The following NBPF26 variants were observed in gnomAD, a reference collection of about 807,000 sequenced individuals.
NBPF26 encodes the protein NBPF member 26.
NBPF26 carries 79 observed loss-of-function variants against 119.6 expected under a neutral mutation model. That is an observed-to-expected ratio of 0.66 (90% confidence interval 0.55 to 0.80). NBPF26 has a LOEUF of 0.80. Ranked by LOEUF, NBPF26 falls within the 30% of genes least tolerant of loss-of-function variation. The pLI is 0.00. For missense variants in NBPF26, 800 were observed against 1,198.2 expected (o/e 0.67, Z 4.91); for synonymous variants, 299 against 457.7 (o/e 0.65, Z 4.43).
Position 120,822,101 on chromosome 1 carries a change from C to T in NBPF26, c.2424-3C>T. The T allele has an allele frequency of 2.8e-6, 4 of 1,444,790 alleles. No homozygotes were observed. The South Asian group carries it at 3.6e-5, about 13-fold the overall frequency. 89.5% of individuals were successfully genotyped at this position (1,444,790 alleles called of 1,614,324 possible). A position where few individuals can be genotyped will look rare whatever the true frequency, so the allele number is the denominator to read the frequency against. On this transcript the variant is annotated splice_polypyrimidine_tract_variant and splice_region_variant and intron_variant, in intron 15 of 29. Transcript: ENST00000620612. Reference sequence around the variant, plus strand: ...GTCATCCCTGTCCTGCCTGGCTCATCAGGAATCTGCAGGAGTCTGAAGAGG... The same window carrying T: ...GTCATCCCTGTCCTGCCTGGCTCATTAGGAATCTGCAGGAGTCTGAAGAGG...
In NBPF26 at chr1:120,806,537, G is replaced by C. The variant is rs1445133041; in HGVS notation, c.961+772G>C. On this transcript the variant is annotated intron_variant, in intron 5 of 29. Transcript: ENST00000620612. ...GAACCCAGCAGGCAGATGTTGCAGT[G>C]AGCCAAGATTGCACTATTGAACTCC... Among the ~76,000 whole-genome samples the C allele has an allele frequency of 3.2e-5, 4 of 124,402 alleles. 1 individual carries two copies. The highest frequency in any genetic ancestry group is 4.9e-5 in the Non-Finnish European group (3 of 61,118). The allele number at this position is 124,402 out of a possible 152,430, so 81.6% of individuals were successfully genotyped here. A position where few individuals can be genotyped will look rare whatever the true frequency, so the allele number is the denominator to read the frequency against.
At chr1:120,811,970 T>C (rs1651880531) in exon 10 of NBPF26, 1 of 1,235,706 alleles carries the variant, frequency 8.1e-7, no homozygotes, top group Admixed American at 2.0e-5. Context: ...GCGATAAACA[T>C]TCTAGAAATC....
chr1:120,723,977 C>A lies in NBPF26; in HGVS notation c.-201C>A, dbSNP rs1405185759. 2.7e-4 allele frequency: 308 copies of A among 1,147,564 alleles called. 31 individuals are homozygous for A. The East Asian group carries it at 9.4e-3, about 35-fold the overall frequency. 71.1% of individuals were successfully genotyped at this position (1,147,564 alleles called of 1,614,324 possible). On this transcript the variant is annotated 5_prime_UTR_variant, in exon 1 of 30. Coordinates refer to ENST00000620612, the Ensembl canonical transcript of NBPF26. ...CTTCCGGCGGCGGCTGAGGCGGCGG[C>A]CGAGGAGCGGCGGACTCGGGGCGCG... is the stretch of plus-strand genomic sequence containing the variant.
rs1277801187 is a variant in NBPF26 at position 120,813,520 on chromosome 1, G to A, written c.1775-371G>A. On this transcript the variant is annotated intron_variant, in intron 10 of 29. Coordinates refer to ENST00000620612, the Ensembl canonical transcript of NBPF26. ...CATAGTCCTAGGGGCTTTCCCAACTGTACAAGAAATCACTACTTCATGCCC... is the reference window on the plus strand; with the variant it reads ...CATAGTCCTAGGGGCTTTCCCAACTATACAAGAAATCACTACTTCATGCCC... 1.6e-5 allele frequency among the ~76,000 whole-genome samples: 2 copies of A among 127,510 alleles called. 1 individual carries two copies. Among genetic ancestry groups the A allele is most frequent in the Non-Finnish European group, 3.2e-5 (2 of 61,932 alleles). 83.7% of individuals were successfully genotyped at this position (127,510 alleles called of 152,430 possible). A position where few individuals can be genotyped will look rare whatever the true frequency, so the allele number is the denominator to read the frequency against.
At chr1:120,805,596 G>A in exon 5 of NBPF26, 1 of 1,459,768 alleles carries the variant, frequency 6.9e-7, no homozygotes, top group East Asian at 2.3e-5. Flanking sequence ...TCAGCATGGT[G>A]GTATCAGCCG....
At chr1:120,820,443 TAA>T (rs1322042495) in intron 15 of NBPF26, among the ~76,000 whole-genome samples, 2 of 18,520 alleles carry the variant, frequency 1.1e-4, no homozygotes, top group African/African-American at 4.7e-4. Context: ...CTTAAAGTAT[TAA>T]AAATATATAT....
chr1:120,793,430 C>T, exon 4 of NBPF26: 1 of 1,442,594 alleles, frequency 6.9e-7, no homozygotes, highest in Non-Finnish European at 9.3e-7. Flanking sequence ...TGCACACTCG[C>T]CTTGTGTCAA....
intron 2 of NBPF26, among the ~76,000 whole-genome samples, chr1:120,777,820 G>A (rs1165258319): frequency 9.0e-6 from 1 of 110,502 alleles, no homozygotes; most frequent in Non-Finnish European, 1.7e-5. Context: ...AACCTAGTTA[G>A]TTACCTTTAC....
exon 8 of NBPF26, chr1:120,809,845 T>A: frequency 6.7e-7 from 1 of 1,488,056 alleles, no homozygotes; most frequent in Non-Finnish European, 9.1e-7. Context: ...ATGTTCAAGT[T>A]GAGGAGGATG....
Position 120,816,776 on chromosome 1 carries a change from A to T in NBPF26, c.2320A>T (p.Ile774Phe), listed in dbSNP as rs1416578780. 2.8e-6 allele frequency: 4 copies of T among 1,421,412 alleles called. 2 individuals carry two copies. In the African/African-American group the frequency reaches 1.1e-4, roughly 40 times the overall value. The allele number at this position is 1,421,412 out of a possible 1,614,324, so 88.0% of individuals were successfully genotyped here. The change falls in exon 14 of 30, where the codon ATT becomes TTT. Residue 774 changes from isoleucine (I) to phenylalanine (F), a missense_variant. Ile to Phe is a conservative substitution (Grantham distance 21). Around this residue, in one of 13 missense-constraint regions of NBPF26, gnomAD observed 59 missense variants for 112.3 expected, o/e 0.53. Coordinates refer to ENST00000620612, the Ensembl canonical transcript of NBPF26. The stretch of plus-strand genomic sequence containing the variant: ...GGAAGACAAAGTCGACTCAACTCTC[A>T]TTGGCTCATCCTCTCATGTTGAATG...
intron 4 of NBPF26, among the ~76,000 whole-genome samples, chr1:120,801,417 C>T (rs1651579694): frequency 1.8e-5 from 2 of 108,816 alleles, no homozygotes; most frequent in South Asian, 2.8e-4. Flanking sequence ...GAAATATATG[C>T]TTAAAAATGG....
rs1435648093 is a variant in NBPF26, at chr1:120,733,129, A to T, written c.73+8879A>T. On this transcript the variant is annotated intron_variant, in intron 1 of 29. Coordinates refer to ENST00000620612, the Ensembl canonical transcript of NBPF26. ...GATTTATTTTTATATATATATATATATATGTTTAGTTTATGAACAGATCTA... is the reference window on the plus strand; with the variant it reads ...GATTTATTTTTATATATATATATATTTATGTTTAGTTTATGAACAGATCTA... 4.9e-4 allele frequency among the ~76,000 whole-genome samples: 45 copies of T among 92,482 alleles called. 3 individuals carry two copies. The South Asian group carries it at 1.0e-2, about 20-fold the overall frequency. 60.7% of individuals were successfully genotyped at this position (92,482 alleles called of 152,430 possible).
Position 120,724,116 on chromosome 1 carries a change from G to C in NBPF26, c.-62G>C. 1 of 1,347,340 alleles carries C rather than the reference G, an allele frequency of 7.4e-7. No individual in the cohort carries two copies. The highest frequency in any genetic ancestry group is 2.6e-5 in the East Asian group (1 of 37,934). 83.5% of individuals were successfully genotyped at this position (1,347,340 alleles called of 1,614,324 possible). On this transcript the variant is annotated 5_prime_UTR_variant, in exon 1 of 30. An upstream start codon of the reference 5' UTR is lost. Transcript: ENST00000620612. ...TCCTCTATCGGGACCCCCTCCCCAT[G>C]TGGATCTGCCCAGGCGGCGGCGGCG...
chr1:120,779,795 CT>C (rs1651341635), intron 2 of NBPF26, among the ~76,000 whole-genome samples: 1 of 121,742 alleles, frequency 8.2e-6, no homozygotes, highest in Non-Finnish European at 1.7e-5. Flanking sequence ...AGCAGAGAAC[CT>C]TACTTTCCAC....
At chr1:120,728,828 A>G (rs1650844362) in intron 1 of NBPF26, among the ~76,000 whole-genome samples, 1 of 111,268 alleles carries the variant, frequency 9.0e-6, no homozygotes, top group Non-Finnish European at 1.7e-5. Flanking sequence ...TTTTTTTTGA[A>G]CCAAGAGAGT....
At chr1:120,808,070 C>CT in intron 6 of NBPF26, among the ~76,000 whole-genome samples, 1 of 108,564 alleles carries the variant, frequency 9.2e-6, no homozygotes, top group Non-Finnish European at 1.8e-5. Context: ...TGACTGACTG[C>CT]GGCTTCTCAT....
intron 14 of NBPF26, among the ~76,000 whole-genome samples, chr1:120,817,121 T>C (rs1391126371): frequency 2.6e-5 from 3 of 116,588 alleles, no homozygotes; most frequent in Non-Finnish European, 1.6e-5. Flanking sequence ...TCTCTTGTCA[T>C]CTGTGATTAA....
At position 120,823,660 on chromosome 1, in the gene NBPF26, T is replaced by A. The variant is rs1165760613; in HGVS notation, c.2639+300T>A. ...ATTATTGAGGACATGCTTTTCATGA[T>A]CACTGTTCACTGTGTGTCCTGAGAG... is the stretch of plus-strand genomic sequence containing the variant. On this transcript the variant is annotated intron_variant, in intron 17 of 29. Coordinates refer to ENST00000620612, the Ensembl canonical transcript of NBPF26. 2.2e-4 allele frequency among the ~76,000 whole-genome samples: 28 copies of A among 124,458 alleles called. 3 individuals carry two copies. The South Asian group carries it at 5.6e-3, about 25-fold the overall frequency. 81.6% of individuals were successfully genotyped at this position (124,458 alleles called of 152,430 possible). A position where few individuals can be genotyped will look rare whatever the true frequency, so the allele number is the denominator to read the frequency against.
At chr1:120,832,649 G>A (rs1411219057) in intron 22 of NBPF26, among the ~76,000 whole-genome samples, 1 of 121,256 alleles carries the variant, frequency 8.2e-6, no homozygotes, top group Non-Finnish European at 1.6e-5. Context: ...AAATGATATT[G>A]GGATAACGAT....
Sources: allele counts gnomAD v4.1 joint callset (sites outside exome capture counted in the v4.1 genomes callset), GRCh38; gene constraint gnomAD v4.1.1; regional missense constraint gnomAD v4.1.1; transcripts MANE v1.5; gene names NCBI Gene and HGNC (gene_info 2026-07-23, HGNC 2026-07-21).